The following TBC1D1 variants were observed in gnomAD, a reference collection of about 807,000 sequenced individuals.
TBC1D1 encodes TBC1 domain family member 1.
Under a neutral mutation model 125.6 loss-of-function variants are expected in TBC1D1, and 89 were observed. That is an observed-to-expected ratio of 0.71 (90% confidence interval 0.60 to 0.85). TBC1D1 has a LOEUF of 0.85. Among genes scored for constraint, TBC1D1 ranks in the 40% least tolerant of loss-of-function variants. TBC1D1 has a pLI of 0.00. For missense variants in TBC1D1, 1,377 were observed against 1,469.2 expected (o/e 0.94, Z 1.03); for synonymous variants, 565 against 564.1 (o/e 1.00, Z -0.02).
intron 11 of TBC1D1, among the ~76,000 whole-genome samples, chr4:38,052,703 T>TGCGCGC (rs1169870724): frequency 2.7e-4 from 35 of 128,208 alleles, no homozygotes; most frequent in Admixed American, 4.8e-4. Context: ...CATGCGTATA[T>TGCGCGC]ACACACACAC....
At chr4:37,992,739 C>T (rs1158434117) in intron 2 of TBC1D1, among the ~76,000 whole-genome samples, 3 of 151,212 alleles carry the variant, frequency 2.0e-5, no homozygotes, top group East Asian at 1.9e-4. Context: ...GTGATCTGCC[C>T]GCCTCGGCCT....
At chr4:37,987,257 A>G (rs906781428) in intron 2 of TBC1D1, among the ~76,000 whole-genome samples, 5 of 152,082 alleles carry the variant, frequency 3.3e-5, no homozygotes, top group Non-Finnish European at 7.4e-5. Flanking sequence ...TTCTCAAAAT[A>G]ATTGTGGCAG....
chr4:37,948,627 CAA>C (rs34225328), intron 2 of TBC1D1, among the ~76,000 whole-genome samples: 13,037 of 144,066 alleles, frequency 0.09, 784 homozygotes, highest in Admixed American at 0.18. Context: ...GACTCTGTCT[CAA>C]AAAAAAAAAA....
intron 2 of TBC1D1, among the ~76,000 whole-genome samples, chr4:37,915,581 C>A (rs757453454): frequency 6.6e-6 from 1 of 152,210 alleles, no homozygotes; most frequent in Non-Finnish European, 1.5e-5. Flanking sequence ...TTGGGGAGGG[C>A]TGTTGCTTTA....
chr4:38,110,885 T>C (rs562580729), intron 15 of TBC1D1, among the ~76,000 whole-genome samples: 1 of 152,324 alleles, frequency 6.6e-6, no homozygotes, highest in South Asian at 2.1e-4. Context: ...GCTTCTCCTA[T>C]GGGGTGTGTG....
chr4:38,032,340 G>C (rs947983398), intron 7 of TBC1D1, among the ~76,000 whole-genome samples: 1 of 151,938 alleles, frequency 6.6e-6, no homozygotes, highest in South Asian at 2.1e-4. Context: ...GAAAGAAATG[G>C]GGCATTTCCA....
At chr4:37,979,783 T>C (rs1733976140) in intron 2 of TBC1D1, among the ~76,000 whole-genome samples, 1 of 151,792 alleles carries the variant, frequency 6.6e-6, no homozygotes, top group South Asian at 2.1e-4. Context: ...TGTGTTTTTC[T>C]TTTTTTTTGT....
chr4:38,096,469 T>A (rs1241651693), intron 14 of TBC1D1, among the ~76,000 whole-genome samples: 1 of 152,206 alleles, frequency 6.6e-6, no homozygotes. Flanking sequence ...AGACAGGTGG[T>A]CTTGGGCTTA....
At chr4:38,053,077 C>T in intron 11 of TBC1D1, 29 bp from the exon 13 acceptor site, 2 of 1,372,240 alleles carry the variant, frequency 1.5e-6, no homozygotes, top group Non-Finnish European at 1.9e-6. Flanking sequence ...TTTCTTTATC[C>T]TAAACTCTTT....
At chr4:37,992,715 G>A (rs1384984165) in intron 2 of TBC1D1, among the ~76,000 whole-genome samples, 1 of 151,426 alleles carries the variant, frequency 6.6e-6, no homozygotes, top group Non-Finnish European at 1.5e-5. Flanking sequence ...AGATGGTCTT[G>A]ATCTCCTGAC....
Position 38,049,761 on chromosome 4 carries a change from G to A in TBC1D1, c.1773G>A (p.Arg591=), listed in dbSNP as rs756742486. ...CGCTGTCGCCCCAGCAGGCCTTCAG[G>A]AGGCGAGCAAACACCCTGAGTCACT... Residue 591 remains arginine (R), a synonymous_variant, in exon 11 of 20, where the codon AGG becomes AGA. Transcript: ENST00000261439. 4.3e-5 allele frequency: 69 copies of A among 1,614,048 alleles called. No individual in the cohort carries two copies. The highest frequency in any genetic ancestry group is 5.6e-5 in the Non-Finnish European group (66 of 1,180,022).
At chr4:37,942,394 C>T (rs1725756600) in intron 2 of TBC1D1, among the ~76,000 whole-genome samples, 1 of 151,956 alleles carries the variant, frequency 6.6e-6, no homozygotes, top group Admixed American at 6.6e-5. Flanking sequence ...TTCCTCCATC[C>T]CTTTATTTTG....
chr4:38,081,111 C>T (rs1756464132), intron 12 of TBC1D1, among the ~76,000 whole-genome samples: 1 of 152,170 alleles, frequency 6.6e-6, no homozygotes, highest in Non-Finnish European at 1.5e-5. Context: ...GTGTTCGTTG[C>T]TGGCCCCTCA....
chr4:37,910,474 G>T (rs1405440556), intron 2 of TBC1D1, among the ~76,000 whole-genome samples: 1 of 152,054 alleles, frequency 6.6e-6, no homozygotes, highest in African/African-American at 2.4e-5. Flanking sequence ...GGTATATTGG[G>T]TTAAATAAAT....
chr4:37,900,638 T>C (rs28491029), intron 1 of TBC1D1, among the ~76,000 whole-genome samples: 21,949 of 151,998 alleles, frequency 0.14, 1,803 homozygotes, highest in African/African-American at 0.21. Flanking sequence ...GGGAGCTGGA[T>C]ACAGGAGAGA....
intron 2 of TBC1D1, among the ~76,000 whole-genome samples, chr4:37,946,661 C>G (rs1726756446): frequency 6.6e-6 from 1 of 152,130 alleles, no homozygotes; most frequent in Admixed American, 6.5e-5. Flanking sequence ...GAAGAGGAAG[C>G]CGGGCTGTGA....
At chr4:37,960,479 C>T (rs367810871) in intron 2 of TBC1D1, 2 of 1,613,928 alleles carry the variant, frequency 1.2e-6, no homozygotes, top group Non-Finnish European at 1.7e-6. Context: ...GAGAACCAGG[C>T]ACCCGTGTGG....
chr4:37,971,962 T>G (rs1014901723), intron 2 of TBC1D1, among the ~76,000 whole-genome samples: 1 of 152,186 alleles, frequency 6.6e-6, no homozygotes, highest in African/African-American at 2.4e-5. Flanking sequence ...CACATTTATA[T>G]GACCTGCTTG....
At chr4:37,946,686 G>C (rs1027445431) in intron 2 of TBC1D1, among the ~76,000 whole-genome samples, 2 of 152,198 alleles carry the variant, frequency 1.3e-5, no homozygotes, top group African/African-American at 4.8e-5. Context: ...ACAGGGAGGA[G>C]AAGTGGAGTT....
Sources: allele counts gnomAD v4.1 joint callset (sites outside exome capture counted in the v4.1 genomes callset), GRCh38; gene constraint gnomAD v4.1.1; transcripts MANE v1.5; gene names NCBI Gene and HGNC (gene_info 2026-07-23, HGNC 2026-07-21).